The following MTUS2 variants were observed in gnomAD, a reference collection of about 807,000 sequenced individuals.
MTUS2 encodes microtubule-associated tumor suppressor candidate 2.
Under a neutral mutation model 114.1 loss-of-function variants are expected in MTUS2, and 40 were observed. That is an observed-to-expected ratio of 0.35 (90% CI 0.27 to 0.46). MTUS2 has a LOEUF of 0.46. Ranked by LOEUF, MTUS2 falls within the 20% of genes least tolerant of loss-of-function variation. MTUS2 has a pLI of 1.00. For missense variants in MTUS2, 1,679 were observed against 1,705.4 expected (o/e 0.98, Z 0.27); for synonymous variants, 688 against 672.0 (o/e 1.02, Z -0.37).
intron 5 of MTUS2, among the ~76,000 whole-genome samples, chr13:29,164,407 G>A (rs369199871): frequency 2.7e-4 from 41 of 152,214 alleles, no homozygotes; most frequent in African/African-American, 9.6e-4. Context: ...TGGCAGATGT[G>A]CGCTACAGTG....
chr13:29,390,397 T>C (rs1378189884), intron 8 of MTUS2, among the ~76,000 whole-genome samples: 1 of 151,944 alleles, frequency 6.6e-6, no homozygotes, highest in Non-Finnish European at 1.5e-5. Context: ...CTCACACCTG[T>C]AATCCCAGCA....
intron 2 of MTUS2, among the ~76,000 whole-genome samples, chr13:29,001,639 G>T (rs552180623): frequency 2.6e-4 from 39 of 152,164 alleles, no homozygotes; most frequent in Non-Finnish European, 5.0e-4. Flanking sequence ...TGCTGATGTG[G>T]CAGGCAGAAC....
intron 5 of MTUS2, among the ~76,000 whole-genome samples, chr13:29,216,535 G>T (rs1042033600): frequency 1.3e-5 from 2 of 152,142 alleles, no homozygotes; most frequent in African/African-American, 4.8e-5. Context: ...CTGGTCTGTG[G>T]GTTGAAAAAA....
chr13:29,213,811 A>G (rs1312995061), intron 5 of MTUS2, among the ~76,000 whole-genome samples: 14 of 152,096 alleles, frequency 9.2e-5, no homozygotes, highest in Non-Finnish European at 1.9e-4. Flanking sequence ...ATTTGATGTT[A>G]TTACTGATTT....
At chr13:29,173,531 A>G (rs1401697339) in intron 5 of MTUS2, among the ~76,000 whole-genome samples, 3 of 152,126 alleles carry the variant, frequency 2.0e-5, no homozygotes, top group South Asian at 4.1e-4. Context: ...TAATTTTCGT[A>G]TGTCAGTGGA....
intron 2 of MTUS2, among the ~76,000 whole-genome samples, chr13:28,866,046 A>G (rs1426200659): frequency 6.6e-6 from 1 of 152,154 alleles, no homozygotes; most frequent in African/African-American, 2.4e-5. Context: ...AAGTATTCAT[A>G]CTTGGGGGAG....
chr13:29,161,663 C>G (rs1279658859), intron 5 of MTUS2, among the ~76,000 whole-genome samples: 4 of 152,192 alleles, frequency 2.6e-5, no homozygotes, highest in African/African-American at 9.7e-5. Flanking sequence ...TTCTTCCATT[C>G]TCTCTTTAAT....
intron 6 of MTUS2, among the ~76,000 whole-genome samples, chr13:29,299,218 C>T (rs546137012): frequency 1.3e-5 from 2 of 152,278 alleles, no homozygotes; most frequent in South Asian, 2.1e-4. Flanking sequence ...CACATGAGTG[C>T]ATGTCTTAGA....
In MTUS2 at chr13:29,052,985, G is replaced by A. The variant is rs150329308; in HGVS notation, c.2446+18860G>A. Among the ~76,000 whole-genome samples, 11 of 152,286 alleles carry A rather than the reference G, an allele frequency of 7.2e-5. No individual in the cohort carries two copies. In the East Asian group the frequency reaches 1.9e-3, roughly 27 times the overall value. Reference sequence around the variant, plus strand: ...CACTCATTCTCTCTCCTGCTGCTCTGTGAAGAGGTACCTTCCTTCATGATT... The same window carrying A: ...CACTCATTCTCTCTCCTGCTGCTCTATGAAGAGGTACCTTCCTTCATGATT... On this transcript the variant is annotated intron_variant, in intron 4 of 15. Transcript: ENST00000612955.
At chr13:28,823,639 G>T (rs895461651) in intron 1 of MTUS2, among the ~76,000 whole-genome samples, 1 of 152,168 alleles carries the variant, frequency 6.6e-6, no homozygotes, top group Non-Finnish European at 1.5e-5. Flanking sequence ...AAGAACTGCA[G>T]CTTTCAACAC....
intron 5 of MTUS2, among the ~76,000 whole-genome samples, chr13:29,261,158 T>C (rs1268989581): frequency 6.6e-6 from 1 of 152,196 alleles, no homozygotes. Flanking sequence ...AAGGAATAAA[T>C]ACTATTTTGA....
chr13:28,956,024 C>T (rs1294106255), intron 2 of MTUS2, among the ~76,000 whole-genome samples: 3 of 151,610 alleles, frequency 2.0e-5, no homozygotes, highest in Admixed American at 6.6e-5. Context: ...GCAGTATCCA[C>T]AGCACCATAT....
chr13:29,124,899 C>T lies in MTUS2; in HGVS notation c.2644+23929C>T, dbSNP rs377260874. 1.1e-4 allele frequency among the ~76,000 whole-genome samples: 16 copies of T among 152,018 alleles called. 1 individual carries two copies. The highest frequency in any genetic ancestry group is 3.4e-4 in the African/African-American group (14 of 41,434). ...CCTGGAGTACTCAGATTCATAGAGA[C>T]GGAAAGTAAAATGGGGTTGTCAGGG... is the stretch of plus-strand genomic sequence containing the variant. On this transcript the variant is annotated intron_variant, in intron 5 of 15. Transcript: ENST00000612955.
chr13:29,455,975 T>C (rs1013163639), intron 9 of MTUS2, among the ~76,000 whole-genome samples: 1 of 152,036 alleles, frequency 6.6e-6, no homozygotes, highest in Admixed American at 6.6e-5. Context: ...AGCAAGACCC[T>C]GTCTCAAAAT....
At chr13:28,837,080 C>A (rs954440442) in intron 1 of MTUS2, among the ~76,000 whole-genome samples, 1 of 152,138 alleles carries the variant, frequency 6.6e-6, no homozygotes, top group Non-Finnish European at 1.5e-5. Flanking sequence ...AGCTCAGACT[C>A]CTGCTGAATC....
At chr13:28,839,078 G>A (rs1477996418) in intron 1 of MTUS2, among the ~76,000 whole-genome samples, 1 of 151,782 alleles carries the variant, frequency 6.6e-6, no homozygotes, top group Non-Finnish European at 1.5e-5. Flanking sequence ...CAGCAATTTT[G>A]TATAAGTCAA....
At position 29,368,456 on chromosome 13, in the gene MTUS2, T is replaced by C. The variant is rs576143898; in HGVS notation, c.3117+8983T>C. Among the ~76,000 whole-genome samples, 236 of 152,242 alleles carry C rather than the reference T, an allele frequency of 1.6e-3. 2 individuals carry two copies. Among genetic ancestry groups the C allele is most frequent in the African/African-American group, 4.6e-3 (191 of 41,540 alleles). On this transcript the variant is annotated intron_variant, in intron 8 of 15. Transcript: ENST00000612955. The stretch of plus-strand genomic sequence containing the variant: ...GGGTGACTGTATTAACAACAATATA[T>C]TGTTATATTTCAAAATAGCCAGAAG...
intron 7 of MTUS2, among the ~76,000 whole-genome samples, chr13:29,340,812 C>T (rs1388618217): frequency 2.0e-5 from 3 of 152,140 alleles, no homozygotes; most frequent in Non-Finnish European, 4.4e-5. Flanking sequence ...CCCACTCATT[C>T]CCCCAAGTCC....
At chr13:29,196,031 C>A (rs1426961761) in intron 5 of MTUS2, among the ~76,000 whole-genome samples, 1 of 151,784 alleles carries the variant, frequency 6.6e-6, no homozygotes, top group Non-Finnish European at 1.5e-5. Flanking sequence ...TTGAGAGGTG[C>A]AAGCCCAGAA....
Sources: allele counts gnomAD v4.1 joint callset (sites outside exome capture counted in the v4.1 genomes callset), GRCh38; gene constraint gnomAD v4.1.1; transcripts MANE v1.5; gene names NCBI Gene and HGNC (gene_info 2026-07-23, HGNC 2026-07-21).